Variants in COL4A2 observed in about 807,000 individuals in gnomAD.
The protein encoded by COL4A2 is collagen alpha-2(IV) chain.
Under a neutral mutation model 200.2 loss-of-function variants are expected in COL4A2, and 99 were observed. The ratio of observed to expected loss-of-function variants is 0.49; its 90% CI spans 0.42 to 0.58. The LOEUF is 0.58. Among genes scored for constraint, COL4A2 ranks in the 20% least tolerant of loss-of-function variants. COL4A2 has a pLI of 0.00. For missense variants in COL4A2, 1,950 were observed against 2,314.1 expected, an observed-to-expected ratio of 0.84 and a Z score of 3.23; for synonymous variants, 897 against 900.6, an observed-to-expected ratio of 1.00 and a Z score of 0.07.
At chr13:110,498,209 T>A (rs1883526777) in intron 40 of COL4A2, among the ~76,000 whole-genome samples, 1 of 152,220 alleles carries the variant, frequency 6.6e-6, no homozygotes, top group Non-Finnish European at 1.5e-5. Flanking sequence ...CACTTGTGAG[T>A]ATTGGGAGGA....
intron 4 of COL4A2, among the ~76,000 whole-genome samples, chr13:110,379,360 C>T (rs1441140948): frequency 1.3e-5 from 2 of 152,206 alleles, no homozygotes; most frequent in Admixed American, 1.3e-4. Context: ...CAGGTGCACC[C>T]GAGGGAAAGC....
Position 110,429,910 on chromosome 13 carries a change from A to G in COL4A2, c.503A>G (p.Lys168Arg), listed in dbSNP as rs1880612192. Residue 168 changes from lysine to arginine, a missense_variant, in exon 8 of 48, where the codon AAA (lysine) becomes AGA (arginine). Physicochemically the swap from Lys to Arg is conservative, Grantham distance 26. Around this residue, in one of 2 missense-constraint regions of COL4A2, gnomAD observed 565 missense variants for 593.5 expected, o/e 0.95. Transcript: ENST00000360467. ...PPGPQGPKGQ[K>R]GEPYALPKEE... ...GGGCCCCAAGGACCAAAAGGGCAGAAAGGTGAGCCTTATGCACTGCCTAAA... is the reference window on the plus strand; with the variant it reads ...GGGCCCCAAGGACCAAAAGGGCAGAGAGGTGAGCCTTATGCACTGCCTAAA... 6.2e-7 allele frequency: 1 copy of G among 1,612,992 alleles called. No individual in the cohort carries two copies. The highest frequency in any genetic ancestry group is 8.5e-7 in the Non-Finnish European group (1 of 1,179,668).
intron 38 of COL4A2, among the ~76,000 whole-genome samples, chr13:110,492,769 C>T (rs1220117662): frequency 6.6e-6 from 1 of 152,234 alleles, no homozygotes; most frequent in Admixed American, 6.5e-5. Flanking sequence ...CCCCAGGCCC[C>T]TTCTGGCCTA....
intron 3 of COL4A2, among the ~76,000 whole-genome samples, chr13:110,319,736 A>G (rs1231099070): frequency 6.6e-6 from 1 of 152,186 alleles, no homozygotes; most frequent in African/African-American, 2.4e-5. Flanking sequence ...ATTCAAGACC[A>G]AGTAGGGACC....
chr13:110,489,738 C>T lies in COL4A2; in HGVS notation c.3299C>T (p.Pro1100Leu). The T allele has an allele frequency of 2.5e-6, 4 of 1,614,044 alleles. No individual in the cohort carries two copies. The highest frequency in any genetic ancestry group is 1.1e-5 in the South Asian group (1 of 91,024). Residue 1100 changes from proline (P) to leucine (L), a missense_variant, in exon 36 of 48, where the codon CCA becomes CTA. By Grantham distance (98) the Pro-to-Leu change is moderately conservative. Around this residue, in one of 2 missense-constraint regions of COL4A2, gnomAD observed 1,385 missense variants for 1,720.5 expected, o/e 0.80. Transcript: ENST00000360467. ...FGDIGDTINL[P>L]GRPGLKGERG... is the part of the protein sequence containing the mutation. ...GACATCGGGGACACTATAAATTTAC[C>T]AGGAAGACCAGGCCTGAAGGGGGAG... is the stretch of plus-strand genomic sequence containing the variant.
intron 4 of COL4A2, among the ~76,000 whole-genome samples, chr13:110,406,638 T>C (rs1250708563): frequency 1.3e-5 from 2 of 151,770 alleles, no homozygotes; most frequent in East Asian, 1.9e-4. Context: ...GGACTCTTTT[T>C]TTTTTCTTGG....
chr13:110,469,894 G>A (rs907325394), intron 28 of COL4A2, among the ~76,000 whole-genome samples: 3 of 147,620 alleles, frequency 2.0e-5, no homozygotes, highest in African/African-American at 7.5e-5. Context: ...TTGATTGCAG[G>A]GGCATACACG....
At chr13:110,500,920 G>A (rs567615976) in intron 40 of COL4A2, among the ~76,000 whole-genome samples, 11 of 152,276 alleles carry the variant, frequency 7.2e-5, no homozygotes, top group African/African-American at 2.6e-4. Context: ...TACATGGGGG[G>A]CATTTGAAAC....
In COL4A2 at chr13:110,438,556, G is replaced by A. The variant is rs750443067; in HGVS notation, c.862-62G>A. The A allele has an allele frequency of 6.3e-6, 10 of 1,594,136 alleles. No individual in the cohort carries two copies. In the East Asian group the frequency reaches 2.0e-4, roughly 32 times the overall value. On this transcript the variant is annotated intron_variant, in intron 14 of 47. Transcript: ENST00000360467. ...TCCTGGAGCAGAGGATGACACGTGG[G>A]CCCTGTTGGCTGGAGGGGCCGCCCC...
Position 110,462,398 on chromosome 13 carries a change from A to G in COL4A2, c.1776+14A>G, listed in dbSNP as rs777538816. On this transcript the variant is annotated intron_variant, in intron 24 of 47. Transcript: ENST00000360467. ...CCAGGCCCTCCCGTGAGTAGCCACA[A>G]ACTGCGGCAGCTCCGTCCTCTCTTC... 1.1e-5 allele frequency: 17 copies of G among 1,611,704 alleles called. No homozygotes were observed. The highest frequency in any genetic ancestry group is 4.5e-5 in the East Asian group (2 of 44,868).
chr13:110,364,484 T>C (rs1188241617), intron 4 of COL4A2, among the ~76,000 whole-genome samples: 1 of 152,228 alleles, frequency 6.6e-6, no homozygotes, highest in Non-Finnish European at 1.5e-5. Flanking sequence ...AATTCGTAAT[T>C]GCTTCTCTCT....
intron 40 of COL4A2, among the ~76,000 whole-genome samples, 193 bp downstream of exon 40, chr13:110,495,660 A>G (rs1883432059): frequency 6.6e-6 from 1 of 152,130 alleles, no homozygotes; most frequent in South Asian, 2.1e-4. Context: ...ATTTTATCCC[A>G]TCAGTGTTAG....
At position 110,394,098 on chromosome 13, in the gene COL4A2, C is replaced by T. The variant is rs138996075; in HGVS notation, c.181-30636C>T. On this transcript the variant is annotated intron_variant, in intron 4 of 47. Coordinates refer to ENST00000360467, the MANE Select transcript of COL4A2 (RefSeq NM_001846.4). The stretch of plus-strand genomic sequence containing the variant: ...AAAATCCATGCTGGAACCACCTGTG[C>T]TTGACTTTGTAAAAAATTTTTCTCA... Among the ~76,000 whole-genome samples, 798 of 152,258 alleles carry T rather than the reference C, an allele frequency of 5.2e-3. 2 individuals carry two copies. The highest frequency in any genetic ancestry group is 0.014 in the Middle Eastern group (4 of 294).
intron 3 of COL4A2, among the ~76,000 whole-genome samples, chr13:110,334,841 G>A (rs904760705): frequency 1.3e-5 from 2 of 152,228 alleles, no homozygotes; most frequent in African/African-American, 4.8e-5. Context: ...TATGTAGAAA[G>A]AAGTGCAAGA....
chr13:110,458,632 G>T lies in COL4A2; in HGVS notation c.1433-139G>T, dbSNP rs1336613402. ...CAGTTTTCCCATCTAAGAAATGGGG[G>T]TCATAGTGCCCATCAGAACAGGCAG... On this transcript the variant is annotated intron_variant, in intron 21 of 47. Coordinates refer to ENST00000360467, the MANE Select transcript of COL4A2 (RefSeq NM_001846.4). 4 of 958,470 alleles carry T rather than the reference G, an allele frequency of 4.2e-6. No homozygotes were observed. In the Admixed American group the frequency reaches 9.2e-5, roughly 22 times the overall value. 59.4% of individuals were successfully genotyped at this position (958,470 alleles called of 1,614,324 possible). A position where few individuals can be genotyped will look rare whatever the true frequency, so the allele number is the denominator to read the frequency against.
At chr13:110,342,480 C>T (rs1247695103) in intron 3 of COL4A2, among the ~76,000 whole-genome samples, 1 of 152,192 alleles carries the variant, frequency 6.6e-6, no homozygotes, top group Non-Finnish European at 1.5e-5. Flanking sequence ...CATCTTCCCC[C>T]ACTAGGGGAA....
intron 20 of COL4A2, among the ~76,000 whole-genome samples, chr13:110,452,789 G>T (rs74605429): frequency 0.013 from 1,937 of 150,484 alleles, 37 homozygotes; most frequent in African/African-American, 0.043. Flanking sequence ...TTGAGACAGG[G>T]TCTCGCTCTG....
At chr13:110,438,974 T>G (rs940887671) in intron 15 of COL4A2, among the ~76,000 whole-genome samples, 2 of 152,214 alleles carry the variant, frequency 1.3e-5, no homozygotes, top group South Asian at 2.1e-4. Flanking sequence ...ACCTTTCTGG[T>G]TGTGTGTGTT....
intron 4 of COL4A2, among the ~76,000 whole-genome samples, chr13:110,408,380 T>C (rs539458739): frequency 7.9e-5 from 12 of 152,314 alleles, no homozygotes; most frequent in Admixed American, 5.2e-4. Flanking sequence ...CAGGTTCTTT[T>C]TGAATAGAGA....
Sources: gnomAD v4.1 joint callset for allele counts (sites outside exome capture counted in the v4.1 genomes callset) on GRCh38, gnomAD v4.1.1 for gene constraint, gnomAD v4.1.1 regional missense constraint, MANE v1.5 for transcripts, NCBI Gene and HGNC (gene_info 2026-07-23, HGNC 2026-07-21) for gene names.